Variants in DOCK10 observed in about 807,000 individuals in gnomAD.
DOCK10 encodes the protein dedicator of cytokinesis protein 10.
Under a neutral mutation model 280.1 loss-of-function variants are expected in DOCK10, and 145 were observed. That is an observed-to-expected ratio of 0.52 (90% CI 0.45 to 0.59). DOCK10 has a LOEUF of 0.59. Ranked by LOEUF, DOCK10 falls within the 20% of genes least tolerant of loss-of-function variation. DOCK10 has a pLI of 0.00. For missense variants in DOCK10, 2,368 were observed against 2,651.7 expected, an observed-to-expected ratio of 0.89 and a Z score of 2.35; for synonymous variants, 915 against 942.2, an observed-to-expected ratio of 0.97 and a Z score of 0.53.
chr2:224,771,873 A>T (rs1690467405), intron 53 of DOCK10, among the ~76,000 whole-genome samples: 1 of 150,602 alleles, frequency 6.6e-6, no homozygotes, highest in South Asian at 2.1e-4. Context: ...GGAACGGGAG[A>T]GTGTGGTCAG....
At position 224,853,007 on chromosome 2, in the gene DOCK10, G is replaced by C. The variant is rs747106369; in HGVS notation, c.2004C>G (p.Tyr668Ter). Residue 668 changes from tyrosine to a stop codon, truncating the protein, a stop_gained, in exon 17 of 56, where the codon TAC becomes TAG. Coordinates refer to ENST00000258390, the MANE Select transcript of DOCK10 (RefSeq NM_014689.3). LOFTEE classifies it high-confidence loss of function. Reference protein sequence around the residue: ...VYDSTKYCRPYRVYKNQIYIY... With the variant: ...VYDSTKYCRP ...TATAAATTTGATTTTTATATACTCT[G>C]TAAGGCCGACAATACTTTGTTGAAT... The C allele has an allele frequency of 1.5e-5, 24 of 1,612,712 alleles. No individual in the cohort carries two copies. The highest frequency in any genetic ancestry group is 2.0e-5 in the Non-Finnish European group (23 of 1,179,072).
rs199704086 is a variant in DOCK10 at position 224,999,449 on chromosome 2, C to CCCTCCCTCCCTTCCTG, written c.123+42787_123+42802dup. On this transcript the variant is annotated intron_variant, in intron 1 of 55. Coordinates refer to ENST00000258390, the MANE Select transcript of DOCK10 (RefSeq NM_014689.3). Reference sequence around the variant, plus strand: ...AAGATATTAATATGCTAGCTTTCTTCCCTCCCTCCCTTCCTGCCTCCCTCC... The same window carrying CCCTCCCTCCCTTCCTG: ...AAGATATTAATATGCTAGCTTTCTTCCCTCCCTCCCTTCCTGCCTCCCTCCCTTCCTGCCTCCCTCC... Among the ~76,000 whole-genome samples the CCCTCCCTCCCTTCCTG allele has an allele frequency of 1.6e-3, 239 of 150,066 alleles. 3 individuals are homozygous for CCCTCCCTCCCTTCCTG. The highest frequency in any genetic ancestry group is 5.0e-3 in the African/African-American group (202 of 40,344).
At chr2:224,821,193 T>C (rs1280815110) in intron 28 of DOCK10, among the ~76,000 whole-genome samples, 1 of 152,256 alleles carries the variant, frequency 6.6e-6, no homozygotes, top group Non-Finnish European at 1.5e-5. Context: ...AACATTTTTA[T>C]ATGCCCACAC....
intron 50 of DOCK10, among the ~76,000 whole-genome samples, chr2:224,779,622 TATTA>T (rs1691155710): frequency 6.6e-6 from 1 of 152,206 alleles, no homozygotes; most frequent in African/African-American, 2.4e-5. Flanking sequence ...TATTTAAAAA[TATTA>T]ATTGTTAAAA....
At chr2:224,826,097 T>TC (rs1353676175) in intron 27 of DOCK10, among the ~76,000 whole-genome samples, 3 of 152,216 alleles carry the variant, frequency 2.0e-5, no homozygotes, top group African/African-American at 7.2e-5. Context: ...AGACAGAGTC[T>TC]CTGTGGCCCA....
In DOCK10 at chr2:224,922,809, A is replaced by G. The variant is rs535211000; in HGVS notation, c.244-6025T>C. ...GCTGAGAAAAGCTTCCTCTGACAGT[A>G]TTGTAGCTTCCCCCTGTTCAAAAAG... On this transcript the variant is annotated intron_variant, in intron 2 of 55. Coordinates refer to ENST00000258390, the MANE Select transcript of DOCK10 (RefSeq NM_014689.3). Among the ~76,000 whole-genome samples, 21 of 152,316 alleles carry G rather than the reference A, an allele frequency of 1.4e-4. 1 individual carries two copies. Among genetic ancestry groups the G allele is most frequent in the Middle Eastern group, 6.8e-3 (2 of 294 alleles).
intron 2 of DOCK10, among the ~76,000 whole-genome samples, chr2:224,924,218 A>G (rs1701933686): frequency 1.3e-5 from 2 of 152,236 alleles, no homozygotes; most frequent in South Asian, 4.1e-4. Flanking sequence ...CTGATCTGTC[A>G]TAAAATTTAT....
In DOCK10 at chr2:224,881,978, C is replaced by G. The variant is rs72972641; in HGVS notation, c.747+3693G>C. ...TACAGGAGGTATCTGCATTTCTAGC[C>G]TTTGGTTAGTCACATGAAGCCACTG... On this transcript the variant is annotated intron_variant, in intron 7 of 55. Transcript: ENST00000258390. 5.6e-3 allele frequency among the ~76,000 whole-genome samples: 847 copies of G among 152,256 alleles called. 1 individual carries two copies. The highest frequency in any genetic ancestry group is 9.1e-3 in the Non-Finnish European group (618 of 68,030).
chr2:224,790,443 G>C (rs969841896), intron 47 of DOCK10, among the ~76,000 whole-genome samples: 1 of 152,166 alleles, frequency 6.6e-6, no homozygotes, highest in African/African-American at 2.4e-5. Flanking sequence ...ACAGGGCTTA[G>C]TGTGGTGCCT....
chr2:224,964,280 T>C (rs927452542), intron 1 of DOCK10, among the ~76,000 whole-genome samples: 7 of 152,338 alleles, frequency 4.6e-5, no homozygotes, highest in Admixed American at 3.9e-4. Context: ...CTTTAATGTG[T>C]TGTTCATTTT....
chr2:224,878,606 G>A (rs1698780998), intron 7 of DOCK10, among the ~76,000 whole-genome samples: 1 of 152,138 alleles, frequency 6.6e-6, no homozygotes, highest in African/African-American at 2.4e-5. Flanking sequence ...ACACATAGTG[G>A]GGCAACACAT....
chr2:224,915,128 T>C (rs116555628), intron 3 of DOCK10, among the ~76,000 whole-genome samples: 1,675 of 152,330 alleles, frequency 0.011, 22 homozygotes, highest in African/African-American at 0.036. Context: ...CTGGTTAAAC[T>C]TCCCCATTAG....
chr2:224,929,914 T>G (rs1702238967), intron 2 of DOCK10, among the ~76,000 whole-genome samples: 1 of 152,076 alleles, frequency 6.6e-6, no homozygotes, highest in South Asian at 2.1e-4. Flanking sequence ...AAAGAGGCTG[T>G]TCAAGGCTGG....
intron 4 of DOCK10, among the ~76,000 whole-genome samples, chr2:224,894,473 C>G (rs1249804023): frequency 6.6e-6 from 1 of 152,192 alleles, no homozygotes; most frequent in East Asian, 1.9e-4. Context: ...CTCCCAACTT[C>G]CGAGTTGTAA....
intron 1 of DOCK10, among the ~76,000 whole-genome samples, chr2:224,978,075 A>G (rs924101943): frequency 3.3e-5 from 5 of 152,236 alleles, no homozygotes; most frequent in African/African-American, 1.2e-4. Flanking sequence ...AAAATATCAA[A>G]TAATCAACAG....
chr2:224,963,503 T>C (rs1181687147), intron 1 of DOCK10, among the ~76,000 whole-genome samples: 1 of 152,244 alleles, frequency 6.6e-6, no homozygotes, highest in African/African-American at 2.4e-5. Flanking sequence ...TTTCTTGTAT[T>C]GATTAAGCCA....
intron 1 of DOCK10, among the ~76,000 whole-genome samples, chr2:224,954,190 T>G (rs1703919172): frequency 6.6e-6 from 1 of 152,146 alleles, no homozygotes; most frequent in African/African-American, 2.4e-5. Flanking sequence ...GGGGTTTGGG[T>G]AGGTAAGAAA....
At chr2:224,787,429 C>G in intron 48 of DOCK10, 32 bp from the exon 49 acceptor site, 1 of 1,612,884 alleles carries the variant, frequency 6.2e-7, no homozygotes, top group South Asian at 1.1e-5. Flanking sequence ...TAAGATTTTA[C>G]ATGATTAGGG....
intron 2 of DOCK10, among the ~76,000 whole-genome samples, chr2:224,919,416 AGTGT>A (rs1323628420): frequency 7.3e-6 from 1 of 137,896 alleles, no homozygotes; most frequent in Non-Finnish European, 1.5e-5. Flanking sequence ...ATGTGTGTAG[AGTGT>A]GTCTGCATGT....
Sources: allele counts gnomAD v4.1 joint callset (sites outside exome capture counted in the v4.1 genomes callset), GRCh38; gene constraint gnomAD v4.1.1; transcripts MANE v1.5; gene names NCBI Gene and HGNC (gene_info 2026-07-23, HGNC 2026-07-21).